IL1RAPL1: variants seen among roughly 807,000 people sequenced by gnomAD.
The protein encoded by IL1RAPL1 is interleukin-1 receptor accessory protein-like 1.
A neutral mutation model predicts 48.4 loss-of-function variants in IL1RAPL1; 3 were observed. The ratio of observed to expected loss-of-function variants is 0.06; its 90% CI spans 0.03 to 0.16. IL1RAPL1 has a LOEUF of 0.16. Ranked by LOEUF, IL1RAPL1 falls within the 10% of genes least tolerant of loss-of-function variation. IL1RAPL1 has a pLI of 1.00. For synonymous variants in IL1RAPL1, 185 were observed against 187.7 expected (o/e 0.99, Z 0.12); for missense variants, 349 against 530.6 (o/e 0.66, Z 3.36).
chrX:29,291,453 C>T (rs1338262729), intron 3 of IL1RAPL1, among the ~76,000 whole-genome samples: 3 of 110,789 alleles, frequency 2.7e-5, no homozygotes, highest in African/African-American at 9.9e-5. Flanking sequence ...ACTTGTAGAA[C>T]GTGCAGGTTT....
chrX:29,666,790 G>A lies in IL1RAPL1; in HGVS notation c.704-1640G>A, dbSNP rs140186004. On this transcript the variant is annotated intron_variant, in intron 5 of 10. Transcript: ENST00000378993. ...GCTTTCTGTAAAAAACTGTCAAGTC[G>A]TCTACTTGTAACTACATAGTCACAA... Among the ~76,000 whole-genome samples the A allele has an allele frequency of 6.2e-3, 690 of 110,895 alleles. 3 individuals are homozygous for A. Among genetic ancestry groups the A allele is most frequent in the Non-Finnish European group, 9.7e-3 (512 of 53,028 alleles).
chrX:28,736,801 G>A (rs965074464), intron 1 of IL1RAPL1, among the ~76,000 whole-genome samples: 1 of 112,147 alleles, frequency 8.9e-6, no homozygotes, highest in African/African-American at 3.2e-5. Flanking sequence ...ATAGATTTGA[G>A]AGAATATTTT....
chrX:29,045,176 A>C (rs1926927578), intron 2 of IL1RAPL1, among the ~76,000 whole-genome samples: 1 of 111,379 alleles, frequency 9.0e-6, no homozygotes, highest in Non-Finnish European at 1.9e-5. Flanking sequence ...TCAGGACTCA[A>C]AGCCTTTCCT....
At chrX:28,958,230 C>G (rs529648016) in intron 2 of IL1RAPL1, among the ~76,000 whole-genome samples, 2 of 111,120 alleles carry the variant, frequency 1.8e-5, no homozygotes, top group Admixed American at 9.6e-5. Context: ...TTCCTCCTAT[C>G]TATCTGAAAA....
chrX:29,827,170 G>C (rs950702193), intron 6 of IL1RAPL1, among the ~76,000 whole-genome samples: 3 of 112,134 alleles, frequency 2.7e-5, no homozygotes, highest in Non-Finnish European at 5.6e-5. Flanking sequence ...GCTCCCAGGA[G>C]ATGCTGATGC....
At position 29,465,106 on chromosome X, in the gene IL1RAPL1, A is replaced by G. The variant is rs139451174; in HGVS notation, c.703+65798A>G. Among the ~76,000 whole-genome samples, 303 of 111,953 alleles carry G rather than the reference A, an allele frequency of 2.7e-3. 2 individuals are homozygous for G. Among genetic ancestry groups the G allele is most frequent in the African/African-American group, 9.3e-3 (287 of 30,773 alleles). ...TGAATTCAATTTAATTTAATGCAAAATATAATCAAAATTTTAGTCTGGGAG... is the reference window on the plus strand; with the variant it reads ...TGAATTCAATTTAATTTAATGCAAAGTATAATCAAAATTTTAGTCTGGGAG... On this transcript the variant is annotated intron_variant, in intron 5 of 10. Coordinates refer to ENST00000378993, the MANE Select transcript of IL1RAPL1 (RefSeq NM_014271.4).
At chrX:29,147,907 C>T (rs1352601054) in intron 2 of IL1RAPL1, among the ~76,000 whole-genome samples, 3 of 111,433 alleles carry the variant, frequency 2.7e-5, no homozygotes, top group Admixed American at 1.9e-4. Flanking sequence ...TTTTTATATT[C>T]AATGAAGATA....
chrX:29,839,475 C>T (rs906995069), intron 6 of IL1RAPL1, among the ~76,000 whole-genome samples: 1 of 112,609 alleles, frequency 8.9e-6, no homozygotes, highest in Admixed American at 9.4e-5. Context: ...GTTAGTGTCT[C>T]CTTCCTTAAC....
intron 6 of IL1RAPL1, among the ~76,000 whole-genome samples, chrX:29,838,404 A>G: frequency 8.9e-6 from 1 of 112,450 alleles, no homozygotes. Flanking sequence ...TATCAAGAGC[A>G]TTGTTTTAGA....
At position 28,596,811 on chromosome X, in the gene IL1RAPL1, C is replaced by A. The variant is rs186813191; in HGVS notation, c.-25+8764C>A. ...TTTTAAATTGTTTTTAAAAAATATTCCTGATCCATGGTTGCTTGGATCCAC... is the reference window on the plus strand; with the variant it reads ...TTTTAAATTGTTTTTAAAAAATATTACTGATCCATGGTTGCTTGGATCCAC... On this transcript the variant is annotated intron_variant, in intron 1 of 10. Transcript: ENST00000378993. Among the ~76,000 whole-genome samples the A allele has an allele frequency of 1.0e-3, 113 of 110,765 alleles. 1 individual carries two copies. Among genetic ancestry groups the A allele is most frequent in the African/African-American group, 2.1e-3 (65 of 30,469 alleles).
intron 2 of IL1RAPL1, among the ~76,000 whole-genome samples, chrX:28,904,558 C>G (rs751992953): frequency 8.9e-6 from 1 of 111,976 alleles, no homozygotes; most frequent in Non-Finnish European, 1.9e-5. Context: ...AAAGAAGTCA[C>G]GTTTTAAATT....
chrX:29,004,540 T>C (rs1304943570), intron 2 of IL1RAPL1, among the ~76,000 whole-genome samples: 1 of 112,430 alleles, frequency 8.9e-6, no homozygotes, highest in Non-Finnish European at 1.9e-5. Flanking sequence ...ATAAGTTATC[T>C]TTGAGTATTT....
intron 2 of IL1RAPL1, among the ~76,000 whole-genome samples, chrX:29,049,823 A>G (rs758013057): frequency 7.6e-4 from 86 of 112,492 alleles, no homozygotes; most frequent in African/African-American, 2.5e-3. Flanking sequence ...TACATTTTTT[A>G]TCCAATTTTG....
At chrX:29,342,070 G>C (rs1055523566) in intron 3 of IL1RAPL1, among the ~76,000 whole-genome samples, 1 of 109,831 alleles carries the variant, frequency 9.1e-6, no homozygotes, top group African/African-American at 3.3e-5. Context: ...GCCTCCCAAA[G>C]TGCTGGGATT....
At chrX:29,142,735 C>G (rs1035646586) in intron 2 of IL1RAPL1, among the ~76,000 whole-genome samples, 1 of 108,849 alleles carries the variant, frequency 9.2e-6, no homozygotes, top group Non-Finnish European at 1.9e-5. Context: ...TGCTCTTGCT[C>G]TGTTGCCCAG....
At chrX:29,320,293 A>G (rs1235284585) in intron 3 of IL1RAPL1, among the ~76,000 whole-genome samples, 1 of 112,028 alleles carries the variant, frequency 8.9e-6, no homozygotes, top group Non-Finnish European at 1.9e-5. Context: ...ATTTTCCTCA[A>G]CATATAAGAC....
chrX:28,919,301 G>A (rs1421270765), intron 2 of IL1RAPL1, among the ~76,000 whole-genome samples: 1 of 111,796 alleles, frequency 8.9e-6, no homozygotes, highest in East Asian at 2.8e-4. Context: ...CTCTTTGCAC[G>A]AGCATGGGAC....
At chrX:28,776,835 A>G (rs1240239971) in intron 1 of IL1RAPL1, among the ~76,000 whole-genome samples, 1 of 111,925 alleles carries the variant, frequency 8.9e-6, no homozygotes, top group Non-Finnish European at 1.9e-5. Flanking sequence ...AAATGTTGGC[A>G]GTTATTATTA....
At chrX:29,395,140 A>T (rs1158097011) in intron 3 of IL1RAPL1, among the ~76,000 whole-genome samples, 1 of 111,659 alleles carries the variant, frequency 9.0e-6, no homozygotes, top group African/African-American at 3.3e-5. Flanking sequence ...ATCCTTTTTA[A>T]TGCTCAGACA....
Sources: allele counts gnomAD v4.1 joint callset (sites outside exome capture counted in the v4.1 genomes callset), GRCh38; gene constraint gnomAD v4.1.1; transcripts MANE v1.5; gene names NCBI Gene and HGNC (gene_info 2026-07-23, HGNC 2026-07-21).